DLG2: variants seen among roughly 807,000 people sequenced by gnomAD.
DLG2 encodes disks large homolog 2.
In DLG2, 45 loss-of-function variants were observed where a neutral mutation model predicts 132.5. The observed-to-expected ratio is 0.34, with a 90% CI of 0.27 to 0.44. The LOEUF (loss-of-function observed/expected upper bound fraction) is 0.44, where lower values mean the gene tolerates loss of function less well. Ranked by LOEUF, DLG2 falls within the 20% of genes least tolerant of loss-of-function variation. The pLI is 1.00. For missense variants in DLG2, 1,045 were observed against 1,196.9 expected (o/e 0.87, Z 1.87); for synonymous variants, 424 against 419.6 (o/e 1.01, Z -0.13).
intron 3 of DLG2, among the ~76,000 whole-genome samples, chr11:85,569,068 G>A (rs2077699941): frequency 6.6e-6 from 1 of 152,176 alleles, no homozygotes; most frequent in Non-Finnish European, 1.5e-5. Flanking sequence ...GTCTCGCTCT[G>A]TCGCCCAGGC....
intron 3 of DLG2, among the ~76,000 whole-genome samples, chr11:85,448,339 T>C (rs912749593): frequency 1.3e-5 from 2 of 152,176 alleles, no homozygotes; most frequent in East Asian, 1.9e-4. Context: ...TCAATTCTCC[T>C]TGAGCATTCA....
At chr11:83,724,476 TGAGAGAGAGAGAGAGAGAGA>T (rs59782952) in intron 18 of DLG2, among the ~76,000 whole-genome samples, 4 of 118,148 alleles carry the variant, frequency 3.4e-5, no homozygotes, top group East Asian at 2.7e-4. Flanking sequence ...TGTGTGTGTG[TGAGAGAGAGAGAGAGAGAGA>T]GAGAGAGAGA....
chr11:84,189,104 T>C (rs1037619682), intron 8 of DLG2, among the ~76,000 whole-genome samples: 1 of 152,196 alleles, frequency 6.6e-6, no homozygotes, highest in Non-Finnish European at 1.5e-5. Context: ...TTTAGGACAA[T>C]GGATGGATGG....
chr11:83,552,212 G>T (rs1747691428), intron 19 of DLG2, among the ~76,000 whole-genome samples: 1 of 152,176 alleles, frequency 6.6e-6, no homozygotes, highest in Non-Finnish European at 1.5e-5. Flanking sequence ...CGGTAAGGGG[G>T]ATCAGGATTC....
chr11:85,361,589 A>G (rs1447536720), intron 3 of DLG2, among the ~76,000 whole-genome samples: 1 of 152,218 alleles, frequency 6.6e-6, no homozygotes. Flanking sequence ...TATTTCAGTC[A>G]GGATCATGGC....
intron 7 of DLG2, among the ~76,000 whole-genome samples, chr11:84,527,700 G>T (rs988813261): frequency 6.6e-6 from 1 of 152,134 alleles, no homozygotes; most frequent in Non-Finnish European, 1.5e-5. Flanking sequence ...GGTTTTGACT[G>T]CAAGACACAT....
chr11:85,147,041 C>G (rs559367856), intron 5 of DLG2, among the ~76,000 whole-genome samples: 19 of 152,308 alleles, frequency 1.2e-4, no homozygotes, highest in Non-Finnish European at 2.1e-4. Context: ...AATCACTTCA[C>G]TCTCTCTCCT....
intron 5 of DLG2, among the ~76,000 whole-genome samples, chr11:85,126,092 G>A (rs561357591): frequency 2.6e-5 from 4 of 152,104 alleles, no homozygotes; most frequent in Admixed American, 6.6e-5. Context: ...AATGGAAGTC[G>A]CCGAAACCAA....
At chr11:84,377,234 A>C (rs549542109) in intron 7 of DLG2, among the ~76,000 whole-genome samples, 10 of 152,038 alleles carry the variant, frequency 6.6e-5, no homozygotes. Context: ...TTTATACACC[A>C]AAAGAAAACA....
At chr11:83,576,796 C>A (rs994467735) in intron 19 of DLG2, among the ~76,000 whole-genome samples, 2 of 152,116 alleles carry the variant, frequency 1.3e-5, no homozygotes, top group African/African-American at 4.8e-5. Flanking sequence ...GTACTCCAGG[C>A]AGAAGTGAAA....
At chr11:85,294,412 T>C (rs1049666986) in intron 3 of DLG2, among the ~76,000 whole-genome samples, 13 of 151,480 alleles carry the variant, frequency 8.6e-5, no homozygotes, top group Non-Finnish European at 1.9e-4. Context: ...CAGAATGGCA[T>C]GGAAGAGGTA....
intron 3 of DLG2, among the ~76,000 whole-genome samples, chr11:85,374,126 A>G (rs942279062): frequency 2.6e-5 from 4 of 152,212 alleles, no homozygotes; most frequent in Non-Finnish European, 4.4e-5. Flanking sequence ...TGAAAAAAAA[A>G]GCAGACAGTT....
At chr11:83,587,750 G>A (rs554349281) in intron 19 of DLG2, among the ~76,000 whole-genome samples, 1 of 152,146 alleles carries the variant, frequency 6.6e-6, no homozygotes, top group African/African-American at 2.4e-5. Flanking sequence ...TCACTAGGAA[G>A]TGCCAGACAG....
At chr11:85,146,765 G>A (rs2076889189) in intron 5 of DLG2, among the ~76,000 whole-genome samples, 1 of 152,116 alleles carries the variant, frequency 6.6e-6, no homozygotes, top group South Asian at 2.1e-4. Flanking sequence ...AAGTCCACTG[G>A]CCCCAAGCCC....
At chr11:83,665,776 C>T (rs2075391038) in intron 18 of DLG2, among the ~76,000 whole-genome samples, 1 of 152,080 alleles carries the variant, frequency 6.6e-6, no homozygotes, top group Admixed American at 6.6e-5. Context: ...TCTACTACCA[C>T]TTTGGAGATT....
At chr11:84,602,542 T>C (rs1487373378) in intron 6 of DLG2, among the ~76,000 whole-genome samples, 1 of 152,036 alleles carries the variant, frequency 6.6e-6, no homozygotes, top group African/African-American at 2.4e-5. Flanking sequence ...GATTCTATTT[T>C]CAATCTAAAT....
chr11:83,961,093 A>G (rs1193425713), intron 14 of DLG2, among the ~76,000 whole-genome samples: 1 of 152,096 alleles, frequency 6.6e-6, no homozygotes, highest in East Asian at 1.9e-4. Flanking sequence ...TACTGTAAAT[A>G]GATAACATTC....
intron 6 of DLG2, among the ~76,000 whole-genome samples, chr11:84,883,583 C>T (rs909521563): frequency 1.3e-5 from 2 of 152,102 alleles, no homozygotes; most frequent in Non-Finnish European, 2.9e-5. Context: ...CACTTCTCCT[C>T]ACTAATTACT....
intron 7 of DLG2, among the ~76,000 whole-genome samples, chr11:84,362,149 G>A (rs1281738828): frequency 6.6e-6 from 1 of 151,898 alleles, no homozygotes; most frequent in Non-Finnish European, 1.5e-5. Context: ...TAAATATAAA[G>A]ATACAGTATA....
Sources: allele counts gnomAD v4.1 joint callset (sites outside exome capture counted in the v4.1 genomes callset), GRCh38; gene constraint gnomAD v4.1.1; transcripts MANE v1.5; gene names NCBI Gene and HGNC (gene_info 2026-07-23, HGNC 2026-07-21).